GATA4: variants seen among roughly 807,000 people sequenced by gnomAD.
GATA4 encodes GATA binding protein 4.
Under a neutral mutation model 37.9 loss-of-function variants are expected in GATA4, and 7 were observed. The ratio of observed to expected loss-of-function variants is 0.18; its 90% CI spans 0.11 to 0.35. The LOEUF is 0.35. Ranked by LOEUF, GATA4 falls within the 10% of genes least tolerant of loss-of-function variation. The pLI is 1.00. For missense variants in GATA4, 647 were observed against 653.0 expected (o/e 0.99, Z 0.10); for synonymous variants, 372 against 292.6 (o/e 1.27, Z -2.77).
upstream of GATA4, among the ~76,000 whole-genome samples, chr8:11,699,389 G>C (rs916803906): frequency 6.6e-6 from 1 of 152,188 alleles, no homozygotes; most frequent in Admixed American, 6.5e-5. Flanking sequence ...GTGTCACCAA[G>C]AGAGATCTCA....
rs1585684709 is a variant in GATA4 at position 11,748,966 on chromosome 8, G to A, written c.667G>A (p.Ala223Thr). 1 of 1,614,182 alleles carries A rather than the reference G, an allele frequency of 6.2e-7. No individual in the cohort carries two copies. The highest frequency in any genetic ancestry group is 8.5e-7 in the Non-Finnish European group (1 of 1,180,024). Residue 223 changes from alanine to threonine, a missense_variant, in exon 3 of 7, where the codon GCT becomes ACT. Ala to Thr is a moderately conservative substitution (Grantham distance 58). Coordinates refer to ENST00000532059, the MANE Select transcript of GATA4 (RefSeq NM_001308093.3). ...SEGRECVNCG[A>T]MSTPLWRRDG... is the part of the protein sequence containing the mutation. ...AGGCAGAGAGTGTGTCAACTGTGGG[G>A]CTATGTCCACCCCGCTCTGGAGGCG... is the stretch of plus-strand genomic sequence containing the variant.
chr8:11,724,358 T>C (rs1396354016), intron 2 of GATA4, among the ~76,000 whole-genome samples: 1 of 152,238 alleles, frequency 6.6e-6, no homozygotes, highest in Non-Finnish European at 1.5e-5. Context: ...GATCCTAGGG[T>C]AATGCTATGT....
chr8:11,689,111 C>G (rs2129966956), upstream of GATA4, among the ~76,000 whole-genome samples: 1 of 152,316 alleles, frequency 6.6e-6, no homozygotes, highest in South Asian at 2.1e-4. Flanking sequence ...AGACAAGAAG[C>G]TGCAAGACGA....
rs1223239307 is a variant in GATA4 at position 11,708,633 on chromosome 8, C to G, written c.321C>G (p.Arg107=). 12 of 1,337,920 alleles carry G rather than the reference C, an allele frequency of 9.0e-6. No homozygotes were observed. The highest frequency in any genetic ancestry group is 1.1e-5 in the Non-Finnish European group (12 of 1,045,980). The allele number at this position is 1,337,920 out of a possible 1,614,324, so 82.9% of individuals were successfully genotyped here. A position where few individuals can be genotyped will look rare whatever the true frequency, so the allele number is the denominator to read the frequency against. ...ACACCCCGCCGCCGGTGTCGCCGCG[C>G]TTCTCCTTCCCGGGGACCACCGGGT... The part of the protein sequence containing the change: ...AAYTPPPVSP[R]FSFPGTTGSL... The change falls in exon 2 of 7, where the codon CGC becomes CGG. Residue 107 remains arginine, a synonymous_variant. Transcript: ENST00000532059. This position sits in a 1 kb window ranked among gnomAD's most constrained non-coding sequence, Gnocchi z 6.7.
At chr8:11,726,425 G>A (rs1563211838) in intron 2 of GATA4, among the ~76,000 whole-genome samples, 2 of 152,322 alleles carry the variant, frequency 1.3e-5, no homozygotes, top group Non-Finnish European at 1.5e-5. Context: ...GTAGTAACAC[G>A]GGAACAGGGC....
upstream of GATA4, among the ~76,000 whole-genome samples, chr8:11,692,341 C>T (rs1281109524): frequency 2.0e-5 from 3 of 152,218 alleles, no homozygotes; most frequent in African/African-American, 4.8e-5. Flanking sequence ...TCCATGAGAA[C>T]ATTAGAAACG....
intron 1 of GATA4, chr8:11,680,377 C>T: frequency 3.3e-6 from 2 of 602,696 alleles, no homozygotes; most frequent in Non-Finnish European, 4.2e-6. Flanking sequence ...TAACCAGGCC[C>T]CTCGGATTCA....
At position 11,708,981 on chromosome 8, in the gene GATA4, T is replaced by C. The variant is rs1262948799; in HGVS notation, c.616+53T>C. 3 of 1,491,308 alleles carry C rather than the reference T, an allele frequency of 2.0e-6. No individual in the cohort carries two copies. The highest frequency in any genetic ancestry group is 1.4e-5 in the African/African-American group (1 of 70,090). 92.4% of individuals were successfully genotyped at this position (1,491,308 alleles called of 1,614,324 possible). ...CGTGAGGGCCGGGGCAGGGGCCGTCTTGAGCCCTGTCGAGGGCCTCTTGTT... is the reference window on the plus strand; with the variant it reads ...CGTGAGGGCCGGGGCAGGGGCCGTCCTGAGCCCTGTCGAGGGCCTCTTGTT... On this transcript the variant is annotated intron_variant, in intron 2 of 6. Transcript: ENST00000532059. The surrounding 1 kb of genome is among the most constrained non-coding windows in gnomAD (Gnocchi z 6.7).
chr8:11,752,388 C>T (rs141628054), intron 4 of GATA4, among the ~76,000 whole-genome samples: 10 of 152,230 alleles, frequency 6.6e-5, no homozygotes, highest in South Asian at 6.2e-4. Flanking sequence ...ACAATCATGG[C>T]GGAAGGTGAA....
At chr8:11,729,856 G>A (rs775704510) in intron 2 of GATA4, among the ~76,000 whole-genome samples, 15 of 152,144 alleles carry the variant, frequency 9.9e-5, no homozygotes, top group Non-Finnish European at 1.5e-4. Flanking sequence ...TTAGTTAGTC[G>A]TTATACATTT....
At chr8:11,696,934 T>C (rs1799525495) in intron 1 of GATA4, among the ~76,000 whole-genome samples, 1 of 152,228 alleles carries the variant, frequency 6.6e-6, no homozygotes, top group Admixed American at 6.5e-5. Flanking sequence ...GAACTGGGCA[T>C]CTGCAGAGAC....
chr8:11,680,346 C>G (rs985457960), intron 1 of GATA4, among the ~76,000 whole-genome samples: 2 of 152,242 alleles, frequency 1.3e-5, no homozygotes, highest in Non-Finnish European at 2.9e-5. Flanking sequence ...GCCCTGGAGC[C>G]GGGGAATCTC....
chr8:11,719,467 G>A (rs1033984952), intron 2 of GATA4, among the ~76,000 whole-genome samples: 6 of 152,062 alleles, frequency 3.9e-5, no homozygotes, highest in South Asian at 4.1e-4. Context: ...AGGCAAAAAT[G>A]GCTTCAGAGA....
At chr8:11,718,499 A>G (rs1204843560) in intron 2 of GATA4, among the ~76,000 whole-genome samples, 2 of 152,206 alleles carry the variant, frequency 1.3e-5, no homozygotes, top group Admixed American at 1.3e-4. Flanking sequence ...GCTGTCTGTA[A>G]CCCACATTGA....
At chr8:11,740,371 C>A (rs930919088) in intron 2 of GATA4, among the ~76,000 whole-genome samples, 2 of 152,210 alleles carry the variant, frequency 1.3e-5, no homozygotes, top group Non-Finnish European at 2.9e-5. Flanking sequence ...ATGCCCCCTC[C>A]CCTCAGAAGT....
At chr8:11,692,361 T>A (rs1370622880), upstream of GATA4, among the ~76,000 whole-genome samples, 1 of 152,212 alleles carries the variant, frequency 6.6e-6, no homozygotes, top group Non-Finnish European at 1.5e-5. Context: ...GTACAAAAAA[T>A]TTCACGCAAG....
intron 2 of GATA4, among the ~76,000 whole-genome samples, chr8:11,746,088 T>C (rs1802017149): frequency 6.6e-6 from 1 of 152,192 alleles, no homozygotes; most frequent in Non-Finnish European, 1.5e-5. Flanking sequence ...GAGACCAGCC[T>C]GGGCAACACA....
intron 1 of GATA4, among the ~76,000 whole-genome samples, chr8:11,705,114 CCT>C (rs888656758): frequency 5.3e-5 from 8 of 152,214 alleles, no homozygotes; most frequent in Admixed American, 4.6e-4. Context: ...AAAGGAGGGG[CCT>C]TTTGGCTGGG....
chr8:11,723,998 A>AGGG (rs1800799754), intron 2 of GATA4, among the ~76,000 whole-genome samples: 1 of 152,180 alleles, frequency 6.6e-6, no homozygotes, highest in African/African-American at 2.4e-5. Flanking sequence ...AGCCTCAGGC[A>AGGG]GCCCCCATTG....
Sources: allele counts gnomAD v4.1 joint callset (sites outside exome capture counted in the v4.1 genomes callset), GRCh38; gene constraint gnomAD v4.1.1; non-coding constraint Gnocchi (gnomAD v3.1); transcripts MANE v1.5; gene names NCBI Gene and HGNC (gene_info 2026-07-23, HGNC 2026-07-21).